Variants in MOSMO observed in about 807,000 individuals in gnomAD.
The protein encoded by MOSMO is modulator of smoothened, also known as modulator of smoothened protein.
In MOSMO, 5 loss-of-function variants were observed where a neutral mutation model predicts 18.4. The observed-to-expected ratio is 0.27, with a 90% confidence interval of 0.14 to 0.57. The LOEUF (loss-of-function observed/expected upper bound fraction) is 0.57. Among genes scored for constraint, MOSMO ranks in the 20% least tolerant of loss-of-function variants. MOSMO has a pLI of 0.92. For missense variants in MOSMO, 138 were observed against 211.8 expected, an observed-to-expected ratio of 0.65 and a Z score of 2.16; for synonymous variants, 82 against 82.3, an observed-to-expected ratio of 1.00 and a Z score of 0.02.
At chr16:22,021,286 C>A (rs1237821041) in intron 1 of MOSMO, among the ~76,000 whole-genome samples, 1 of 152,102 alleles carries the variant, frequency 6.6e-6, no homozygotes, top group African/African-American at 2.4e-5. Context: ...TGATAAGGTG[C>A]AGATTAAGTC....
At chr16:22,009,943 A>G (rs1490338381) in intron 1 of MOSMO, among the ~76,000 whole-genome samples, 1 of 150,922 alleles carries the variant, frequency 6.6e-6, no homozygotes, top group African/African-American at 2.4e-5. Flanking sequence ...GTGAGCTGAG[A>G]TTGCGCTACT....
At chr16:22,086,347 C>G (rs1476518139), downstream of MOSMO, among the ~76,000 whole-genome samples, 2 of 152,188 alleles carry the variant, frequency 1.3e-5, no homozygotes, top group African/African-American at 2.4e-5. Context: ...CCACCTCTCT[C>G]TCTCGTCACT....
intron 1 of MOSMO, among the ~76,000 whole-genome samples, chr16:22,017,869 C>A (rs955307446): frequency 6.6e-6 from 1 of 151,960 alleles, no homozygotes; most frequent in African/African-American, 2.4e-5. Flanking sequence ...GGGTTTATTG[C>A]TTTAGAGTTG....
At chr16:22,049,168 G>A (rs368581124) in intron 1 of MOSMO, among the ~76,000 whole-genome samples, 4 of 151,976 alleles carry the variant, frequency 2.6e-5, no homozygotes, top group African/African-American at 4.8e-5. Context: ...TTTTTGCCAC[G>A]TTAATAGTCA....
chr16:22,038,027 C>G (rs1003153770), intron 1 of MOSMO, among the ~76,000 whole-genome samples: 18 of 152,212 alleles, frequency 1.2e-4, no homozygotes, highest in African/African-American at 3.9e-4. Flanking sequence ...ATGCCTTGAT[C>G]TTTCCCATGA....
At chr16:22,062,629 CT>C (rs1364784928) in intron 1 of MOSMO, among the ~76,000 whole-genome samples, 1 of 152,036 alleles carries the variant, frequency 6.6e-6, no homozygotes, top group African/African-American at 2.4e-5. Flanking sequence ...GGCCTATTTC[CT>C]TTTTTAAAAG....
At chr16:22,079,507 A>G (rs1041264060) in intron 2 of MOSMO, among the ~76,000 whole-genome samples, 5 of 152,320 alleles carry the variant, frequency 3.3e-5, no homozygotes, top group African/African-American at 1.2e-4. Flanking sequence ...ATTTGCTGAA[A>G]CACTGGACTG....
chr16:22,043,920 C>T (rs1210603651), intron 1 of MOSMO, among the ~76,000 whole-genome samples: 2 of 152,182 alleles, frequency 1.3e-5, no homozygotes, highest in Non-Finnish European at 2.9e-5. Flanking sequence ...AATGGACTCA[C>T]AGTTCCACGT....
At chr16:22,062,122 T>C (rs776901402) in intron 1 of MOSMO, among the ~76,000 whole-genome samples, 11 of 152,158 alleles carry the variant, frequency 7.2e-5, no homozygotes, top group Non-Finnish European at 1.5e-4. Context: ...ACTTTTACAG[T>C]TCTGACTCAT....
intron 1 of MOSMO, among the ~76,000 whole-genome samples, chr16:22,073,913 G>A (rs1259814911): frequency 6.6e-6 from 1 of 151,996 alleles, no homozygotes; most frequent in Non-Finnish European, 1.5e-5. Flanking sequence ...TAGATGACTT[G>A]GGAGAAAAAG....
chr16:22,069,725 G>A (rs992197911), intron 1 of MOSMO, among the ~76,000 whole-genome samples: 1 of 152,186 alleles, frequency 6.6e-6, no homozygotes, highest in African/African-American at 2.4e-5. Flanking sequence ...TCAGTAGGTT[G>A]AAGAGTGAAT....
intron 1 of MOSMO, among the ~76,000 whole-genome samples, chr16:22,032,084 C>T (rs768874653): frequency 6.6e-6 from 1 of 151,932 alleles, no homozygotes; most frequent in African/African-American, 2.4e-5. Flanking sequence ...GGTTTTGATG[C>T]GCATTTCCCT....
chr16:22,031,173 G>A (rs796120455), intron 1 of MOSMO, among the ~76,000 whole-genome samples: 6 of 152,260 alleles, frequency 3.9e-5, no homozygotes, highest in African/African-American at 7.2e-5. Flanking sequence ...AGGAAGGGCC[G>A]TAAGAATGTT....
Position 22,081,642 on chromosome 16 carries a change from A to ATGTG in MOSMO, c.*768_*771dup, listed in dbSNP as rs1330445008. ...TATATGTGTGTGTGTGTGTGTGTGT[A>ATGTG]TGTGTGTGTAAATTTATATACACAC... On this transcript the variant is annotated 3_prime_UTR_variant, in exon 3 of 3. Coordinates refer to ENST00000542527, the MANE Select transcript of MOSMO (RefSeq NM_001164579.2). 2 of 149,002 alleles carry ATGTG rather than the reference A, an allele frequency of 1.3e-5. No homozygotes were observed. Among genetic ancestry groups the ATGTG allele is most frequent in the Non-Finnish European group, 3.0e-5 (2 of 67,386 alleles). The allele number at this position is 149,002 out of a possible 1,614,324, so 9.2% of individuals were successfully genotyped here. A position where few individuals can be genotyped will look rare whatever the true frequency, so the allele number is the denominator to read the frequency against.
At chr16:22,056,538 T>C (rs1386272344) in intron 1 of MOSMO, among the ~76,000 whole-genome samples, 3 of 150,612 alleles carry the variant, frequency 2.0e-5, no homozygotes, top group Non-Finnish European at 3.0e-5. Context: ...ACCCGGTTAA[T>C]TTTATATATA....
At chr16:22,008,466 G>A in intron 1 of MOSMO, 59 bp downstream of exon 1, 1 of 1,248,484 alleles carries the variant, frequency 8.0e-7, no homozygotes, top group Non-Finnish European at 1.1e-6. Flanking sequence ...GCGAGAGAGG[G>A]GAGACCCGGA....
intron 1 of MOSMO, among the ~76,000 whole-genome samples, chr16:22,053,554 GCA>G (rs1447968602): frequency 6.6e-6 from 1 of 152,106 alleles, no homozygotes; most frequent in Non-Finnish European, 1.5e-5. Context: ...TGTAATACCA[GCA>G]CTTTGGGATG....
chr16:22,011,763 A>T (rs1899533767), intron 1 of MOSMO, among the ~76,000 whole-genome samples: 1 of 152,148 alleles, frequency 6.6e-6, no homozygotes, highest in Admixed American at 6.5e-5. Flanking sequence ...CTAGGAACAT[A>T]GGAAATTTTT....
At chr16:22,046,016 A>G (rs1480438599) in intron 1 of MOSMO, among the ~76,000 whole-genome samples, 1 of 145,472 alleles carries the variant, frequency 6.9e-6, no homozygotes, top group Non-Finnish European at 1.5e-5. Flanking sequence ...TCCAAATGCT[A>G]TCTCTCCCCC....
Sources: gnomAD v4.1 joint callset for allele counts (sites outside exome capture counted in the v4.1 genomes callset) on GRCh38, gnomAD v4.1.1 for gene constraint, MANE v1.5 for transcripts, NCBI Gene and HGNC (gene_info 2026-07-23, HGNC 2026-07-21) for gene names.